CPA5: variants seen among roughly 807,000 people sequenced by gnomAD.
CPA5 encodes the protein carboxypeptidase A5.
CPA5 carries 38 observed loss-of-function variants against 52.2 expected under a neutral mutation model. That is an observed-to-expected ratio of 0.73 (90% CI 0.56 to 0.95). CPA5 has a LOEUF of 0.95. CPA5 is among the 40% of genes least tolerant of loss of function. The pLI is 0.00. For missense variants in CPA5, 519 were observed against 566.7 expected (o/e 0.92, Z 0.86); for synonymous variants, 198 against 213.7 (o/e 0.93, Z 0.64).
rs782255534 is a variant in CPA5, at chr7:130,346,442, T to C, written c.-44T>C. On this transcript the variant is annotated 5_prime_UTR_variant, in exon 3 of 13. An upstream start codon of the reference 5' UTR is lost. Coordinates refer to ENST00000474905, the MANE Select transcript of CPA5 (RefSeq NM_080385.5). ...CTGTGCTGTCCTGAGGCCTGGGCCATGGTGCCCAAGGAAAGCCCCTGAAGC... is the reference window on the plus strand; with the variant it reads ...CTGTGCTGTCCTGAGGCCTGGGCCACGGTGCCCAAGGAAAGCCCCTGAAGC... 2.4e-5 allele frequency: 35 copies of C among 1,448,088 alleles called. No homozygotes were observed. Among genetic ancestry groups the C allele is most frequent in the Non-Finnish European group, 2.8e-5 (29 of 1,037,138 alleles). The allele number at this position is 1,448,088 out of a possible 1,614,324, so 89.7% of individuals were successfully genotyped here. A position where few individuals can be genotyped will look rare whatever the true frequency, so the allele number is the denominator to read the frequency against.
chr7:130,370,344 T>A (rs1410803047), downstream of CPA5, among the ~76,000 whole-genome samples: 4 of 151,806 alleles, frequency 2.6e-5, no homozygotes, highest in African/African-American at 9.7e-5. Flanking sequence ...TTTTTTTTTT[T>A]AAAGCTGGAA....
intron 12 of CPA5, 73 bp from the exon 13 acceptor site, chr7:130,368,337 G>A: frequency 6.8e-7 from 1 of 1,469,798 alleles, no homozygotes; most frequent in East Asian, 2.3e-5. Context: ...TTTCCACCCA[G>A]GATGCCTCTG....
intron 8 of CPA5, 104 bp from the exon 9 acceptor site, chr7:130,362,780 G>A (rs1470873817): frequency 8.3e-6 from 6 of 725,694 alleles, no homozygotes; most frequent in Non-Finnish European, 1.2e-5. Flanking sequence ...TACCTCAGGG[G>A]TTTCATGCCA....
intron 4 of CPA5, 84 bp downstream of exon 4, chr7:130,347,931 C>T (rs1484925541): frequency 1.1e-5 from 11 of 1,011,138 alleles, no homozygotes; most frequent in African/African-American, 3.2e-5. Flanking sequence ...CCCCCTTTAT[C>T]CCAAACCTGC....
intron 6 of CPA5, 92 bp from the exon 7 acceptor site, chr7:130,361,051 G>A (rs1795763051): frequency 2.5e-6 from 2 of 809,652 alleles, no homozygotes; most frequent in Non-Finnish European, 2.1e-6. Flanking sequence ...ATTGAAGAGA[G>A]TGGGAAGGGA....
At chr7:130,359,535 C>T in intron 5 of CPA5, 54 bp from the exon 6 acceptor site, 1 of 1,338,750 alleles carries the variant, frequency 7.5e-7, no homozygotes, top group Non-Finnish European at 1.0e-6. Context: ...TCAGAAGAGG[C>T]ATAGCCAGCC....
chr7:130,349,350 C>T (rs1554403209), intron 4 of CPA5, among the ~76,000 whole-genome samples: 2 of 152,076 alleles, frequency 1.3e-5, no homozygotes, highest in African/African-American at 4.8e-5. Flanking sequence ...AGGAGAATGG[C>T]ATGAACCCGG....
chr7:130,350,518 A>G (rs1266801652), intron 5 of CPA5, among the ~76,000 whole-genome samples: 1 of 152,102 alleles, frequency 6.6e-6, no homozygotes, highest in Non-Finnish European at 1.5e-5. Flanking sequence ...CAGCCATCCA[A>G]TGCCTGGGGG....
At position 130,359,809 on chromosome 7, in the gene CPA5, G is replaced by C; in HGVS notation, c.432+122G>C. 6.1e-6 allele frequency: 4 copies of C among 654,904 alleles called. No individual in the cohort carries two copies. The East Asian group carries it at 1.1e-4, about 18-fold the overall frequency. The allele number at this position is 654,904 out of a possible 1,614,324, so 40.6% of individuals were successfully genotyped here. On this transcript the variant is annotated intron_variant, in intron 6 of 12. Transcript: ENST00000474905. ...ATGGGAAACTGTGACTGACACTTAG[G>C]GACTGTACAGCAGACATTAGGTTAA...
intron 5 of CPA5, among the ~76,000 whole-genome samples, chr7:130,351,415 G>A (rs1188307015): frequency 1.4e-5 from 2 of 147,032 alleles, no homozygotes; most frequent in Non-Finnish European, 3.1e-5. Flanking sequence ...CATCAGGGAC[G>A]GCCCCAGAGT....
chr7:130,356,280 C>T (rs1795471875), intron 5 of CPA5, among the ~76,000 whole-genome samples: 1 of 152,186 alleles, frequency 6.6e-6, no homozygotes, highest in Non-Finnish European at 1.5e-5. Flanking sequence ...CCCTTAGGGC[C>T]CCCATCCTTC....
chr7:130,348,269 G>A (rs572373539), intron 4 of CPA5, among the ~76,000 whole-genome samples: 11 of 152,286 alleles, frequency 7.2e-5, no homozygotes, highest in South Asian at 2.1e-4. Context: ...GTTCGTCCCC[G>A]TCAGCCTGAG....
chr7:130,361,156 T>C lies in CPA5; in HGVS notation c.446T>C (p.Ile149Thr), dbSNP rs782076023. The C allele has an allele frequency of 4.3e-6, 7 of 1,612,712 alleles. No individual in the cohort carries two copies. The South Asian group carries it at 6.6e-5, about 15-fold the overall frequency. The change falls in exon 7 of 13, where the codon ATT becomes ACT. Residue 149 changes from isoleucine (I) to threonine (T), a missense_variant. Transcript: ENST00000474905. ...YHTLEEIYSW[I>T]DNFVMEHSDI... ...CTTTCCTTTCAGATATATAGCTGGA[T>C]TGACAACTTTGTAATGGAGCATTCC...
In CPA5 at chr7:130,367,561, AGAGG is replaced by A. The variant is rs1439648771; in HGVS notation, c.1032_1035del (p.Arg344SerfsTer88). 26 of 1,613,868 alleles carry A rather than the reference AGAGG, an allele frequency of 1.6e-5. No homozygotes were observed. Among genetic ancestry groups the A allele is most frequent in the Non-Finnish European group, 1.9e-5 (23 of 1,179,914 alleles). On this transcript the variant is annotated frameshift_variant, in exon 11 of 13. Coordinates refer to ENST00000474905, the MANE Select transcript of CPA5 (RefSeq NM_080385.5). LOFTEE classifies it high-confidence loss of function. Reference sequence around the variant, plus strand: ...CGATTGCTGGAGCCCGTTTCAAATCAGAGGGAGTTGGTGAGACTGGCTGCTTAGG... The same window carrying A: ...CGATTGCTGGAGCCCGTTTCAAATCAGAGTTGGTGAGACTGGCTGCTTAGG...
rs1488831383 is a variant in CPA5 at position 130,346,383 on chromosome 7, T to C, written c.-93-10T>C. On this transcript the variant is annotated splice_polypyrimidine_tract_variant and intron_variant, in intron 2 of 12. Transcript: ENST00000474905. The stretch of plus-strand genomic sequence containing the variant: ...CTGGGTGCCCCAGACAGCCTAATGC[T>C]CTTTCTCAGGCTGGGCTTTCCAGCC... The C allele has an allele frequency of 8.6e-6, 7 of 815,090 alleles. No individual in the cohort carries two copies. Among genetic ancestry groups the C allele is most frequent in the Non-Finnish European group, 1.4e-5 (7 of 513,590 alleles). 50.5% of individuals were successfully genotyped at this position (815,090 alleles called of 1,614,324 possible).
At chr7:130,355,046 C>T (rs1421336351) in intron 5 of CPA5, among the ~76,000 whole-genome samples, 9 of 126,408 alleles carry the variant, frequency 7.1e-5, no homozygotes, top group African/African-American at 2.1e-4. Flanking sequence ...GAGATGGAGG[C>T]TGCCTGCATC....
chr7:130,363,694 G>A (rs558133412), intron 10 of CPA5, among the ~76,000 whole-genome samples, 185 bp downstream of exon 10: 1 of 152,358 alleles, frequency 6.6e-6, no homozygotes, highest in East Asian at 1.9e-4. Flanking sequence ...GGGTACGGGA[G>A]AGGTTGTGTG....
At chr7:130,360,796 T>G (rs1795749850) in intron 6 of CPA5, among the ~76,000 whole-genome samples, 1 of 152,114 alleles carries the variant, frequency 6.6e-6, no homozygotes, top group Non-Finnish European at 1.5e-5. Flanking sequence ...ACGGATTGAA[T>G]GGGCCAAAGA....
intron 5 of CPA5, among the ~76,000 whole-genome samples, chr7:130,356,237 T>A (rs1795468263): frequency 1.3e-5 from 2 of 152,098 alleles, no homozygotes; most frequent in African/African-American, 2.4e-5. Flanking sequence ...CCCTGCTACC[T>A]CCTCCCCTGC....
Sources: allele counts gnomAD v4.1 joint callset (sites outside exome capture counted in the v4.1 genomes callset), GRCh38; gene constraint gnomAD v4.1.1; transcripts MANE v1.5; gene names NCBI Gene and HGNC (gene_info 2026-07-23, HGNC 2026-07-21).